The following SLBP variants were observed in gnomAD, a reference collection of about 807,000 sequenced individuals.
SLBP encodes histone RNA hairpin-binding protein.
A neutral mutation model predicts 39.2 loss-of-function variants in SLBP; 29 were observed. That is an observed-to-expected ratio of 0.74 (90% CI 0.55 to 1.01). The LOEUF (loss-of-function observed/expected upper bound fraction) is 1.01. Among genes scored for constraint, SLBP ranks in the 50% least tolerant of loss-of-function variants. The probability of loss-of-function intolerance (pLI) is 0.00; values close to 1 mark genes in which losing one functional copy is unlikely to be tolerated. For missense variants in SLBP, 390 were observed against 350.2 expected (o/e 1.11, Z -0.91); for synonymous variants, 129 against 118.7 (o/e 1.09, Z -0.57).
chr4:1,711,788 G>T, intron 2 of SLBP, 86 bp downstream of exon 2: 1 of 677,356 alleles, frequency 1.5e-6, no homozygotes, highest in Non-Finnish European at 2.1e-6. Flanking sequence ...ACCGATCCCG[G>T]CACCGCGAGA....
chr4:1,707,694 C>G (rs1716575634), intron 2 of SLBP, among the ~76,000 whole-genome samples: 1 of 151,736 alleles, frequency 6.6e-6, no homozygotes, highest in Non-Finnish European at 1.5e-5. Context: ...TGCCTGTGAC[C>G]CCAGCACTTT....
At chr4:1,707,348 A>C (rs916190373) in intron 2 of SLBP, among the ~76,000 whole-genome samples, 2 of 147,980 alleles carry the variant, frequency 1.4e-5, no homozygotes, top group African/African-American at 2.5e-5. Context: ...TCTACTAAAA[A>C]TACAAAAATC....
chr4:1,709,511 G>A (rs986013935), intron 2 of SLBP, among the ~76,000 whole-genome samples: 3 of 152,072 alleles, frequency 2.0e-5, no homozygotes, highest in African/African-American at 2.4e-5. Flanking sequence ...TCTCCAATAA[G>A]TTAGATATGC....
chr4:1,694,902 G>T, intron 6 of SLBP, 62 bp from the exon 7 acceptor site: 1 of 1,140,908 alleles, frequency 8.8e-7, no homozygotes, highest in Non-Finnish European at 1.3e-6. Context: ...GAGACGGGGC[G>T]CTACAGACAA....
intron 2 of SLBP, among the ~76,000 whole-genome samples, chr4:1,711,533 C>T (rs2108667897): frequency 6.6e-6 from 1 of 152,350 alleles, no homozygotes; most frequent in South Asian, 2.1e-4. Context: ...TGTCAACTCA[C>T]TTCTCCTCGG....
At chr4:1,700,225 G>GT in intron 3 of SLBP, 155 bp from the exon 4 acceptor site, 3 of 442,816 alleles carry the variant, frequency 6.8e-6, no homozygotes, top group South Asian at 1.2e-4. Flanking sequence ...TTCAGTTTAA[G>GT]TAGTGAGATC....
chr4:1,712,050 G>C, intron 1 of SLBP, 60 bp from the exon 2 acceptor site: 1 of 1,237,162 alleles, frequency 8.1e-7, no homozygotes, highest in Non-Finnish European at 1.0e-6. Flanking sequence ...TACAACCTCC[G>C]CCCTCCCACA....
intron 3 of SLBP, among the ~76,000 whole-genome samples, chr4:1,701,148 T>TTC (rs1372248537): frequency 5.5e-5 from 8 of 145,084 alleles, no homozygotes; most frequent in South Asian, 2.2e-4. Context: ...TTTTTTTTCT[T>TTC]TTTTTTTTTT....
chr4:1,702,475 G>A (rs527350592), intron 3 of SLBP, among the ~76,000 whole-genome samples: 3 of 152,264 alleles, frequency 2.0e-5, no homozygotes, highest in South Asian at 2.1e-4. Flanking sequence ...GTATCGTTCC[G>A]CGGCTGACAC....
chr4:1,705,399 G>A (rs966745175), intron 2 of SLBP, among the ~76,000 whole-genome samples: 1 of 152,174 alleles, frequency 6.6e-6, no homozygotes, highest in Non-Finnish European at 1.5e-5. Context: ...TAATGAAGCA[G>A]GCTACCAAAA....
chr4:1,705,739 G>A (rs1324416520), intron 2 of SLBP, among the ~76,000 whole-genome samples: 1 of 152,228 alleles, frequency 6.6e-6, no homozygotes, highest in East Asian at 1.9e-4. Context: ...GGGTGCCTTA[G>A]AAGTTGTCTT....
At chr4:1,710,437 A>C (rs781206101) in intron 2 of SLBP, among the ~76,000 whole-genome samples, 4 of 152,228 alleles carry the variant, frequency 2.6e-5, no homozygotes, top group Non-Finnish European at 5.9e-5. Context: ...GTGTAAACCA[A>C]AAAGTGTCTG....
Position 1,696,219 on chromosome 4 carries a change from T to A in SLBP, c.612A>T (p.Gly204=). 1 of 1,592,928 alleles carries A rather than the reference T, an allele frequency of 6.3e-7. No homozygotes were observed. The highest frequency in any genetic ancestry group is 8.5e-7 in the Non-Finnish European group (1 of 1,172,386). The part of the protein sequence containing the change: ...LHFWDPPAEE[G]CDLQEIHPVD... ...AGACATACATTTCTTGCAAATCACA[T>A]CCTTCTTCCGCTGGAGGATCCCAAA... The change falls in exon 6 of 8, where the codon GGA becomes GGT. Residue 204 remains glycine (G), a synonymous_variant. Transcript: ENST00000489418.
chr4:1,711,856 C>G lies in SLBP; in HGVS notation c.176+18G>C. On this transcript the variant is annotated intron_variant, in intron 2 of 7. Transcript: ENST00000489418. ...TCAAGGGCCCCACCGCGCCCCGACCCCCGGGTCCCGCGCCCACCTCTCGGG... is the reference window on the plus strand; with the variant it reads ...TCAAGGGCCCCACCGCGCCCCGACCGCCGGGTCCCGCGCCCACCTCTCGGG... 1 of 1,279,106 alleles carries G rather than the reference C, an allele frequency of 7.8e-7. No individual in the cohort carries two copies. Among genetic ancestry groups the G allele is most frequent in the Non-Finnish European group, 1.0e-6 (1 of 1,004,368 alleles). The allele number at this position is 1,279,106 out of a possible 1,614,324, so 79.2% of individuals were successfully genotyped here. A position where few individuals can be genotyped will look rare whatever the true frequency, so the allele number is the denominator to read the frequency against.
rs559745131 is a variant in SLBP at position 1,695,012 on chromosome 4, A to G, written c.630-172T>C. On this transcript the variant is annotated intron_variant, in intron 6 of 7. Coordinates refer to ENST00000489418, the MANE Select transcript of SLBP (RefSeq NM_006527.4). ...ATTTGACAGACTTAATCCCAGCCCA[A>G]TCAATCCAGCAAAGAGAAAGCGGAT... Among the ~76,000 whole-genome samples the G allele has an allele frequency of 1.5e-3, 227 of 152,348 alleles. 1 individual carries two copies. The highest frequency in any genetic ancestry group is 5.3e-3 in the African/African-American group (219 of 41,572).
intron 2 of SLBP, among the ~76,000 whole-genome samples, chr4:1,709,636 G>A (rs1288051027): frequency 6.7e-6 from 1 of 149,724 alleles, no homozygotes; most frequent in Non-Finnish European, 1.5e-5. Flanking sequence ...TTTTGAGACG[G>A]AGTCTCGCTC....
At chr4:1,711,040 G>T (rs373867385) in intron 2 of SLBP, among the ~76,000 whole-genome samples, 1 of 136,600 alleles carries the variant, frequency 7.3e-6, no homozygotes, top group Non-Finnish European at 1.5e-5. Flanking sequence ...GACAGAGTGA[G>T]ACCCTGTCTT....
chr4:1,703,487 G>C, intron 3 of SLBP, 109 bp downstream of exon 3: 4 of 744,382 alleles, frequency 5.4e-6, no homozygotes, highest in Non-Finnish European at 9.7e-6. Flanking sequence ...TGATGCCTTT[G>C]GTCTGGAGCC....
chr4:1,705,699 T>C (rs1377365517), intron 2 of SLBP, among the ~76,000 whole-genome samples: 2 of 152,242 alleles, frequency 1.3e-5, no homozygotes, highest in East Asian at 3.8e-4. Flanking sequence ...ACTCTGCAAA[T>C]GGTCCTGTAA....
Sources: allele counts gnomAD v4.1 joint callset (sites outside exome capture counted in the v4.1 genomes callset), GRCh38; gene constraint gnomAD v4.1.1; transcripts MANE v1.5; gene names NCBI Gene and HGNC (gene_info 2026-07-23, HGNC 2026-07-21).